PPP2R2B: variants seen among roughly 807,000 people sequenced by gnomAD.
PPP2R2B encodes the protein protein phosphatase 2 regulatory subunit Bbeta.
In PPP2R2B, 5 loss-of-function variants were observed where a neutral mutation model predicts 46.0. The ratio of observed to expected loss-of-function variants is 0.11; its 90% CI spans 0.06 to 0.23. The LOEUF (loss-of-function observed/expected upper bound fraction) is 0.23, where lower values mean the gene tolerates loss of function less well. PPP2R2B is among the 10% of genes least tolerant of loss of function. The probability of loss-of-function intolerance (pLI) is 1.00; values close to 1 mark genes in which losing one functional copy is unlikely to be tolerated. For synonymous variants in PPP2R2B, 215 were observed against 206.7 expected, an observed-to-expected ratio of 1.04 and a Z score of -0.34; for missense variants, 367 against 575.0, an observed-to-expected ratio of 0.64 and a Z score of 3.70.
At chr5:146,869,095 A>C (rs1186839100) in intron 2 of PPP2R2B, among the ~76,000 whole-genome samples, 1 of 152,198 alleles carries the variant, frequency 6.6e-6, no homozygotes, top group Non-Finnish European at 1.5e-5. Flanking sequence ...TCAAATCCAC[A>C]ATGGTTTTGG....
chr5:146,863,782 T>C (rs1259299233), intron 2 of PPP2R2B, among the ~76,000 whole-genome samples: 1 of 152,190 alleles, frequency 6.6e-6, no homozygotes, highest in Non-Finnish European at 1.5e-5. Flanking sequence ...ATATTTTTAT[T>C]TCAATAACCC....
At chr5:146,614,033 G>T (rs1284331596) in intron 7 of PPP2R2B, among the ~76,000 whole-genome samples, 1 of 87,500 alleles carries the variant, frequency 1.1e-5, no homozygotes, top group African/African-American at 6.5e-5. Flanking sequence ...AAAAGAGCCC[G>T]CATCGCCAAG....
intron 2 of PPP2R2B, among the ~76,000 whole-genome samples, chr5:146,740,416 C>T (rs548067992): frequency 1.3e-5 from 2 of 152,190 alleles, no homozygotes; most frequent in African/African-American, 4.8e-5. Context: ...AGCTTTGAAA[C>T]CACCATGGGA....
At chr5:147,026,464 G>A (rs1213478747) in intron 1 of PPP2R2B, among the ~76,000 whole-genome samples, 3 of 151,988 alleles carry the variant, frequency 2.0e-5, no homozygotes, top group African/African-American at 2.4e-5. Flanking sequence ...GGATTACAAA[G>A]AGGCACAAGA....
At chr5:146,911,919 T>G (rs1293229940) in intron 1 of PPP2R2B, among the ~76,000 whole-genome samples, 1 of 152,112 alleles carries the variant, frequency 6.6e-6, no homozygotes, top group East Asian at 1.9e-4. Context: ...AAGCTCTGAT[T>G]TAAGAAAGTG....
chr5:146,996,540 A>T (rs1753930590), intron 1 of PPP2R2B, among the ~76,000 whole-genome samples: 1 of 152,136 alleles, frequency 6.6e-6, no homozygotes, highest in African/African-American at 2.4e-5. Flanking sequence ...AAGATCCCTA[A>T]ATAGGAGTAT....
At chr5:146,965,349 A>G (rs187669471) in intron 1 of PPP2R2B, among the ~76,000 whole-genome samples, 13 of 152,356 alleles carry the variant, frequency 8.5e-5, no homozygotes, top group Non-Finnish European at 1.8e-4. Context: ...GAATCACACT[A>G]TCATTTACTT....
intron 1 of PPP2R2B, chr5:147,054,760 C>G (rs1756993720): frequency 2.2e-6 from 1 of 453,356 alleles, no homozygotes; most frequent in Admixed American, 2.4e-5. Flanking sequence ...AACACCTCAG[C>G]ATCCTCAACC....
chr5:146,879,268 CA>C (rs1442343957), upstream of PPP2R2B: 1 of 151,978 alleles, frequency 6.6e-6, no homozygotes. Flanking sequence ...GGAGGGGGAT[CA>C]GGGGCCAGAA....
At chr5:147,038,314 A>G (rs1756135836) in intron 1 of PPP2R2B, among the ~76,000 whole-genome samples, 1 of 152,184 alleles carries the variant, frequency 6.6e-6, no homozygotes, top group African/African-American at 2.4e-5. Flanking sequence ...GCTATGAAAA[A>G]TCAGGGAAAG....
At chr5:146,755,767 C>T (rs1753797609) in intron 2 of PPP2R2B, among the ~76,000 whole-genome samples, 2 of 152,086 alleles carry the variant, frequency 1.3e-5, no homozygotes, top group South Asian at 2.1e-4. Context: ...TAGGCTTGTG[C>T]TAATTTGTTT....
At chr5:146,900,683 C>G (rs1039304668) in intron 1 of PPP2R2B, among the ~76,000 whole-genome samples, 1 of 151,432 alleles carries the variant, frequency 6.6e-6, no homozygotes, top group Non-Finnish European at 1.5e-5. Flanking sequence ...AGGTTTGTTA[C>G]TTAGGTAAAT....
intron 1 of PPP2R2B, among the ~76,000 whole-genome samples, chr5:146,921,102 T>A (rs1763589984): frequency 1.3e-5 from 2 of 152,300 alleles, no homozygotes; most frequent in South Asian, 4.1e-4. Flanking sequence ...GTGAATAACC[T>A]CCAAATGTTA....
At chr5:146,732,128 G>A (rs1311069139) in intron 2 of PPP2R2B, among the ~76,000 whole-genome samples, 1 of 152,168 alleles carries the variant, frequency 6.6e-6, no homozygotes, top group Non-Finnish European at 1.5e-5. Context: ...AAGAAAGGAG[G>A]AGGCAGCTGA....
chr5:146,693,716 G>A (rs917122373), intron 4 of PPP2R2B, among the ~76,000 whole-genome samples: 1 of 152,198 alleles, frequency 6.6e-6, no homozygotes, highest in Non-Finnish European at 1.5e-5. Flanking sequence ...TCCTCATGGG[G>A]CTCTGATGAG....
chr5:146,756,400 G>T (rs1320040059), intron 2 of PPP2R2B, among the ~76,000 whole-genome samples: 1 of 152,168 alleles, frequency 6.6e-6, no homozygotes, highest in Non-Finnish European at 1.5e-5. Flanking sequence ...GATACTGCAT[G>T]CTAGCTTCCT....
intron 2 of PPP2R2B, among the ~76,000 whole-genome samples, chr5:146,797,337 A>T (rs1424494400): frequency 6.6e-6 from 1 of 151,964 alleles, no homozygotes; most frequent in Non-Finnish European, 1.5e-5. Context: ...CTGCTAAACA[A>T]CCTCTGGGTA....
intron 2 of PPP2R2B, among the ~76,000 whole-genome samples, chr5:146,726,129 T>C (rs1451746728): frequency 1.3e-5 from 2 of 152,136 alleles, no homozygotes; most frequent in Non-Finnish European, 2.9e-5. Flanking sequence ...GAAGAATCCA[T>C]CATGCCAGAG....
intron 1 of PPP2R2B, among the ~76,000 whole-genome samples, chr5:146,974,336 G>A (rs1446136721): frequency 6.6e-6 from 1 of 152,144 alleles, no homozygotes; most frequent in African/African-American, 2.4e-5. Context: ...ATGAGGCAGG[G>A]TTCATTATTC....
Sources: allele counts gnomAD v4.1 joint callset (sites outside exome capture counted in the v4.1 genomes callset), GRCh38; gene constraint gnomAD v4.1.1; transcripts MANE v1.5; gene names NCBI Gene and HGNC (gene_info 2026-07-23, HGNC 2026-07-21).